PCAT7: variants seen among roughly 807,000 people sequenced by gnomAD.
PCAT7 encodes the protein prostate cancer associated transcript 7 (non-protein coding).
chr9:94,571,347 CT>C (rs1179331388), intron 2 of PCAT7: 29 of 1,150,964 alleles, frequency 2.5e-5, no homozygotes, highest in East Asian at 5.5e-5. Flanking sequence ...CTCAGGACCC[CT>C]GGTCCCCAAA....
chr9:94,570,437 T>C (rs1827255735), intron 2 of PCAT7: 1 of 152,202 alleles, frequency 6.6e-6, no homozygotes, highest in African/African-American at 2.4e-5. Context: ...GTAGGACATA[T>C]CTCATAGGGC....
intron 2 of PCAT7, chr9:94,571,423 G>C (rs375435231): frequency 4.5e-6 from 7 of 1,553,034 alleles, no homozygotes; most frequent in African/African-American, 1.4e-5. Flanking sequence ...GAGGCCCATG[G>C]AGTCCCCAGG....
intron 2 of PCAT7, among the ~76,000 whole-genome samples, chr9:94,565,989 GA>G (rs1827183802): frequency 6.6e-6 from 1 of 152,168 alleles, no homozygotes; most frequent in Admixed American, 6.5e-5. Flanking sequence ...AGTGTTCTGA[GA>G]AAGCCACAGT....
intron 2 of PCAT7, chr9:94,568,825 T>TA (rs1827231985): frequency 6.6e-6 from 1 of 151,904 alleles, no homozygotes; most frequent in African/African-American, 2.4e-5. Context: ...ATGATTAAGG[T>TA]AACTAGTCAT....
chr9:94,554,863 C>T (rs566295021), upstream of PCAT7, among the ~76,000 whole-genome samples: 1 of 152,292 alleles, frequency 6.6e-6, no homozygotes, highest in African/African-American at 2.4e-5. Context: ...TAGTAGCTCC[C>T]CACACCCACA....
intron 2 of PCAT7, chr9:94,570,292 G>A (rs1018363252): frequency 4.6e-5 from 7 of 152,190 alleles, no homozygotes; most frequent in Non-Finnish European, 7.3e-5. Flanking sequence ...AGTTGTGTTG[G>A]AAATTTAGTG....
At chr9:94,573,476 C>A (rs771664736) in intron 3 of PCAT7, among the ~76,000 whole-genome samples, 16 of 152,032 alleles carry the variant, frequency 1.1e-4, no homozygotes, top group Admixed American at 4.6e-4. Flanking sequence ...CCAGGCTGGT[C>A]TCAAACTCCT....
intron 1 of PCAT7, chr9:94,558,715 C>A: frequency 2.0e-6 from 1 of 509,036 alleles, no homozygotes. Context: ...AAGCCAAAGT[C>A]GCACTTTCCA....
intron 1 of PCAT7, among the ~76,000 whole-genome samples, chr9:94,555,496 A>G (rs1434870659): frequency 6.8e-6 from 1 of 148,032 alleles, no homozygotes; most frequent in African/African-American, 2.5e-5. Flanking sequence ...GAGGGAAGGA[A>G]GGTTTTGCAG....
chr9:94,555,636 T>C (rs910570633), intron 1 of PCAT7, among the ~76,000 whole-genome samples: 2 of 149,114 alleles, frequency 1.3e-5, no homozygotes, highest in African/African-American at 5.0e-5. Context: ...GAAAAGATGG[T>C]GGGGAGAGAA....
chr9:94,571,477 G>C, intron 2 of PCAT7: 1 of 1,612,114 alleles, frequency 6.2e-7, no homozygotes, highest in South Asian at 1.1e-5. Flanking sequence ...CAAGCATGAA[G>C]AGGTCCACGC....
intron 2 of PCAT7, among the ~76,000 whole-genome samples, chr9:94,564,997 C>G (rs1008920087): frequency 2.0e-5 from 3 of 152,148 alleles, no homozygotes; most frequent in Non-Finnish European, 4.4e-5. Context: ...CCTAATTATA[C>G]TGATCTGATC....
chr9:94,569,303 C>G (rs948906396), intron 2 of PCAT7: 3 of 152,304 alleles, frequency 2.0e-5, no homozygotes. Flanking sequence ...GCCGTGCTTC[C>G]TGCTTCCTGG....
rs776970893 is a variant in PCAT7, at chr9:94,558,985, C to T, written n.274C>T. 2.8e-5 allele frequency: 45 copies of T among 1,614,132 alleles called. No homozygotes were observed. The highest frequency in any genetic ancestry group is 3.6e-5 in the Non-Finnish European group (43 of 1,180,026). On this transcript the variant is annotated non_coding_transcript_exon_variant, in exon 2 of 9. Coordinates refer to ENST00000647389, the Ensembl canonical transcript of PCAT7. ...TGCACACAGGTGAGATATTCCTGCACATCCTCTGGTGACCCCAGAATGAGG... is the reference window on the plus strand; with the variant it reads ...TGCACACAGGTGAGATATTCCTGCATATCCTCTGGTGACCCCAGAATGAGG...
intron 1 of PCAT7, among the ~76,000 whole-genome samples, chr9:94,558,495 G>A (rs866463655): frequency 6.6e-6 from 1 of 151,920 alleles, no homozygotes; most frequent in Admixed American, 6.6e-5. Flanking sequence ...GGGTTTCACC[G>A]TGTTAGCCAG....
chr9:94,564,859 T>G (rs1355182356), intron 2 of PCAT7, among the ~76,000 whole-genome samples: 1 of 152,178 alleles, frequency 6.6e-6, no homozygotes, highest in Non-Finnish European at 1.5e-5. Context: ...GAATATGTTA[T>G]AGTGTTCTGA....
chr9:94,571,436 C>T (rs1278133009), intron 2 of PCAT7: 4 of 1,581,038 alleles, frequency 2.5e-6, no homozygotes, highest in Non-Finnish European at 3.4e-6. Flanking sequence ...TCCCCAGGCA[C>T]AGATGATGCC....
At chr9:94,563,414 A>T (rs1277438726) in intron 2 of PCAT7, 1 of 1,614,036 alleles carries the variant, frequency 6.2e-7, no homozygotes, top group Non-Finnish European at 8.5e-7. Flanking sequence ...GGTGCACGTC[A>T]GCCACCATGG....
At chr9:94,554,862 C>G (rs919665799), upstream of PCAT7, among the ~76,000 whole-genome samples, 1 of 152,180 alleles carries the variant, frequency 6.6e-6, no homozygotes, top group Non-Finnish European at 1.5e-5. Flanking sequence ...GTAGTAGCTC[C>G]CCACACCCAC....
Sources: allele counts gnomAD v4.1 joint callset (sites outside exome capture counted in the v4.1 genomes callset), GRCh38; gene constraint gnomAD v4.1.1; transcripts MANE v1.5; gene names NCBI Gene and HGNC (gene_info 2026-07-23, HGNC 2026-07-21).